Variants in ZNF333 observed in about 807,000 individuals in gnomAD.
ZNF333 encodes zinc finger protein 333.
ZNF333 carries 61 observed loss-of-function variants against 76.1 expected under a neutral mutation model. The ratio of observed to expected loss-of-function variants is 0.80; its 90% CI spans 0.65 to 0.99. The LOEUF is 0.99. Among genes scored for constraint, ZNF333 ranks in the 50% least tolerant of loss-of-function variants. ZNF333 has a pLI of 0.00. For synonymous variants in ZNF333, 284 were observed against 305.0 expected, an observed-to-expected ratio of 0.93 and a Z score of 0.72; for missense variants, 717 against 822.4, an observed-to-expected ratio of 0.87 and a Z score of 1.57.
At chr19:14,711,276 A>G (rs1390213009) in intron 7 of ZNF333, among the ~76,000 whole-genome samples, 1 of 152,174 alleles carries the variant, frequency 6.6e-6, no homozygotes, top group Non-Finnish European at 1.5e-5. Flanking sequence ...GGGGGCGGGA[A>G]CCTTCCTGAA....
At chr19:14,698,893 AATATAGATATATATATATAT>A (rs1973438810) in intron 4 of ZNF333, among the ~76,000 whole-genome samples, 19 of 113,064 alleles carry the variant, frequency 1.7e-4, no homozygotes, top group African/African-American at 6.3e-4. Flanking sequence ...CACACACACA[AATATAGATATATATATATAT>A]ATATATATAT....
chr19:14,731,464 C>CGTGCAATGACTGTTAGATGCAGAAAG, exon 12 of ZNF333: 2 of 470,014 alleles, frequency 4.3e-6, no homozygotes, highest in Non-Finnish European at 7.6e-6. Flanking sequence ...TTTCCCCAGC[C>CGTGCAATGACTGTTAGATGCAGAAAG]GTGCAATGAC....
chr19:14,719,527 C>A lies in ZNF333; in HGVS notation c.*202C>A. The A allele has an allele frequency of 1.9e-6, 2 of 1,077,776 alleles. No individual in the cohort carries two copies. Among genetic ancestry groups the A allele is most frequent in the African/African-American group, 1.6e-5 (1 of 62,578 alleles). The allele number at this position is 1,077,776 out of a possible 1,614,324, so 66.8% of individuals were successfully genotyped here. A position where few individuals can be genotyped will look rare whatever the true frequency, so the allele number is the denominator to read the frequency against. The stretch of plus-strand genomic sequence containing the variant: ...CAAAACTAATATGTGGATATATTTT[C>A]ATAGAGGTATAATGACTTATAGTGA... On this transcript the variant is annotated 3_prime_UTR_variant, in exon 12 of 12. Coordinates refer to ENST00000292530, the MANE Select transcript of ZNF333 (RefSeq NM_032433.4).
downstream of ZNF333, among the ~76,000 whole-genome samples, chr19:14,724,148 G>T (rs1190579058): frequency 5.3e-5 from 8 of 152,156 alleles, no homozygotes; most frequent in African/African-American, 1.9e-4. Context: ...TCTTGTCCTT[G>T]CCTATCTTAA....
At chr19:14,703,308 G>A (rs578148539) in intron 5 of ZNF333, among the ~76,000 whole-genome samples, 1 of 151,664 alleles carries the variant, frequency 6.6e-6, no homozygotes, top group Non-Finnish European at 1.5e-5. Flanking sequence ...ACCTCCCACC[G>A]GGTCCCTCCC....
intron 4 of ZNF333, among the ~76,000 whole-genome samples, chr19:14,698,928 A>G (rs1973464534): frequency 7.1e-6 from 1 of 141,292 alleles, no homozygotes; most frequent in African/African-American, 2.6e-5. Flanking sequence ...ATATATATAT[A>G]TATATATACA....
chr19:14,727,616 A>C (rs1042236571), intron 11 of ZNF333, among the ~76,000 whole-genome samples: 2 of 152,108 alleles, frequency 1.3e-5, no homozygotes, highest in Non-Finnish European at 2.9e-5. Context: ...AACACCTCCC[A>C]CCAGGCCCCA....
At chr19:14,711,378 C>G (rs1353062718) in intron 7 of ZNF333, among the ~76,000 whole-genome samples, 2 of 152,042 alleles carry the variant, frequency 1.3e-5, no homozygotes, top group African/African-American at 4.8e-5. Flanking sequence ...CGCCTTTCTG[C>G]ACAGTAGGGA....
At chr19:14,695,346 C>T (rs1973100137) in intron 3 of ZNF333, among the ~76,000 whole-genome samples, 1 of 152,178 alleles carries the variant, frequency 6.6e-6, no homozygotes, top group South Asian at 2.1e-4. Context: ...TGAGGTGAGA[C>T]AGCCTCAGCC....
chr19:14,699,037 T>C (rs1455068588), intron 4 of ZNF333, among the ~76,000 whole-genome samples, 162 bp from the exon 5 acceptor site: 1 of 151,502 alleles, frequency 6.6e-6, no homozygotes, highest in Non-Finnish European at 1.5e-5. Context: ...TGAATATATG[T>C]ATTCGGTATT....
At chr19:14,692,209 C>T (rs1408128667) in intron 1 of ZNF333, among the ~76,000 whole-genome samples, 1 of 152,114 alleles carries the variant, frequency 6.6e-6, no homozygotes, top group African/African-American at 2.4e-5. Flanking sequence ...AATATGAGAA[C>T]GTGGAACAGG....
At chr19:14,716,500 T>C (rs1030646878) in intron 9 of ZNF333, among the ~76,000 whole-genome samples, 5 of 152,260 alleles carry the variant, frequency 3.3e-5, no homozygotes, top group African/African-American at 1.2e-4. Context: ...CTCAAGTGAT[T>C]CACCTGCCTC....
At chr19:14,698,353 G>A (rs1193082351) in intron 4 of ZNF333, among the ~76,000 whole-genome samples, 10 of 140,908 alleles carry the variant, frequency 7.1e-5, no homozygotes, top group Non-Finnish European at 1.2e-4. Flanking sequence ...CAGCCTGGGC[G>A]ACAGAGTGAG....
intron 11 of ZNF333, among the ~76,000 whole-genome samples, chr19:14,730,974 A>G (rs2042666395): frequency 6.6e-6 from 1 of 151,998 alleles, no homozygotes; most frequent in Non-Finnish European, 1.5e-5. Flanking sequence ...GCTGCAAAAC[A>G]CACCACCATC....
intron 7 of ZNF333, among the ~76,000 whole-genome samples, chr19:14,711,707 T>G (rs1466550676): frequency 6.6e-6 from 1 of 152,080 alleles, no homozygotes; most frequent in Admixed American, 6.6e-5. Flanking sequence ...GTTGAGTTGA[T>G]TTGGTGGTTC....
Position 14,719,752 on chromosome 19 carries a change from C to G in ZNF333, c.*427C>G, listed in dbSNP as rs2042548513. The stretch of plus-strand genomic sequence containing the variant: ...AGAAGAGTATGTGGCCTCTTTGTTA[C>G]TGAGTCATAGGTATTTGCTGAGATT... On this transcript the variant is annotated 3_prime_UTR_variant, in exon 12 of 12. Transcript: ENST00000292530. 1.0e-6 allele frequency: 1 copy of G among 995,890 alleles called. No individual in the cohort carries two copies. Among genetic ancestry groups the G allele is most frequent in the Non-Finnish European group, 1.2e-6 (1 of 836,876 alleles). 61.7% of individuals were successfully genotyped at this position (995,890 alleles called of 1,614,324 possible).
rs370320986 is a variant in ZNF333, at chr19:14,718,713, A to G, written c.1386A>G (p.Pro462=). ...CKDCGKAFNQ[P]SSLRSHVRTH... is the part of the protein sequence containing the mutation. ...ATTGTGGGAAAGCCTTCAATCAGCC[A>G]TCATCCCTCAGGAGCCACGTGAGAA... Residue 462 remains proline, a synonymous_variant, in exon 12 of 12, where the codon CCA becomes CCG. Coordinates refer to ENST00000292530, the MANE Select transcript of ZNF333 (RefSeq NM_032433.4). 33 of 1,613,700 alleles carry G rather than the reference A, an allele frequency of 2.0e-5. No individual in the cohort carries two copies. Among genetic ancestry groups the G allele is most frequent in the Non-Finnish European group, 2.6e-5 (31 of 1,179,970 alleles).
At chr19:14,724,474 A>C (rs1299557650), downstream of ZNF333, among the ~76,000 whole-genome samples, 2 of 152,182 alleles carry the variant, frequency 1.3e-5, no homozygotes, top group Non-Finnish European at 2.9e-5. Context: ...TCCATTAAAA[A>C]GTTTGTTTAA....
chr19:14,701,041 C>T (rs898640805), intron 5 of ZNF333, among the ~76,000 whole-genome samples: 1 of 152,186 alleles, frequency 6.6e-6, no homozygotes. Context: ...CAGCCCTCCT[C>T]ACTCCCCAGG....
Sources: allele counts gnomAD v4.1 joint callset (sites outside exome capture counted in the v4.1 genomes callset), GRCh38; gene constraint gnomAD v4.1.1; transcripts MANE v1.5; gene names NCBI Gene and HGNC (gene_info 2026-07-23, HGNC 2026-07-21).